Variants in SLC25A48 observed in about 807,000 individuals in gnomAD.
SLC25A48 encodes the protein CTC-321K16.1.
A neutral mutation model predicts 32.2 loss-of-function variants in SLC25A48; 29 were observed. The ratio of observed to expected loss-of-function variants is 0.90; its 90% CI spans 0.67 to 1.23. The LOEUF (loss-of-function observed/expected upper bound fraction) is 1.23, where lower values mean the gene tolerates loss of function less well. Among genes scored for constraint, SLC25A48 ranks in the 50% most tolerant of loss-of-function variants. The probability of loss-of-function intolerance (pLI) is 0.00; values close to 1 mark genes in which losing one functional copy is unlikely to be tolerated. For synonymous variants in SLC25A48, 164 were observed against 172.3 expected (o/e 0.95, Z 0.38); for missense variants, 399 against 422.7 (o/e 0.94, Z 0.49).
intron 3 of SLC25A48, among the ~76,000 whole-genome samples, chr5:135,693,533 T>C (rs1265467978): frequency 6.6e-6 from 1 of 152,202 alleles, no homozygotes; most frequent in Non-Finnish European, 1.5e-5. Context: ...TTGGGTAGGA[T>C]TGACATGTGT....
chr5:135,621,424 A>G (rs1752322488), intron 1 of SLC25A48, among the ~76,000 whole-genome samples: 1 of 152,260 alleles, frequency 6.6e-6, no homozygotes, highest in African/African-American at 2.4e-5. Flanking sequence ...TTATCTAGTA[A>G]TTAACAAATT....
intron 1 of SLC25A48, among the ~76,000 whole-genome samples, chr5:135,616,174 A>T (rs4388205): frequency 0.02 from 3,010 of 152,226 alleles, 95 homozygotes; most frequent in African/African-American, 0.068. Context: ...GAGGGGAAAT[A>T]TGGGGTTGGA....
intron 3 of SLC25A48, among the ~76,000 whole-genome samples, chr5:135,751,174 G>A (rs1337308276): frequency 6.6e-6 from 1 of 152,170 alleles, no homozygotes; most frequent in Non-Finnish European, 1.5e-5. Context: ...TGAATTTGGG[G>A]TGGCTATAGA....
intron 1 of SLC25A48, among the ~76,000 whole-genome samples, chr5:135,837,541 A>G (rs928658496): frequency 6.6e-6 from 1 of 152,116 alleles, no homozygotes. Flanking sequence ...CCCAAATCTC[A>G]TCTTGAATTG....
At chr5:135,858,587 A>G (rs10079688) in intron 4 of SLC25A48, among the ~76,000 whole-genome samples, 122,013 of 152,250 alleles carry the variant, frequency 0.8, 49,083 homozygotes, top group Middle Eastern at 0.88. Context: ...CTGAGGAACA[A>G]AGAGGTTTCA....
chr5:135,876,510 A>G (rs1458301303), intron 6 of SLC25A48: 1 of 152,054 alleles, frequency 6.6e-6, no homozygotes, highest in African/African-American at 2.4e-5. Flanking sequence ...TTCAAGGTTA[A>G]TTGTTTAAAA....
rs78786164 is a variant in SLC25A48, at chr5:135,746,906, G to A, written c.-520-65617G>A. On this transcript the variant is annotated intron_variant, in intron 3 of 10. Transcript: ENST00000646290. ...TGATAATTTTGACAGCTCCAGACCC[G>A]TTGTCTTATAGAATATCCCATAATC... Among the ~76,000 whole-genome samples, 778 of 151,784 alleles carry A rather than the reference G, an allele frequency of 5.1e-3. 7 individuals carry two copies. The highest frequency in any genetic ancestry group is 0.018 in the African/African-American group (736 of 41,416).
intron 4 of SLC25A48, among the ~76,000 whole-genome samples, chr5:135,856,536 G>T (rs1041344251): frequency 4.6e-5 from 7 of 152,192 alleles, no homozygotes; most frequent in Admixed American, 6.5e-5. Flanking sequence ...CTCCTTGCTG[G>T]GGTGCATGGA....
rs536479266 is a variant in SLC25A48 at position 135,581,597 on chromosome 5, G to A, written c.-849+2000G>A. Among the ~76,000 whole-genome samples the A allele has an allele frequency of 6.8e-4, 104 of 152,334 alleles. 1 individual carries two copies. The highest frequency in any genetic ancestry group is 1.3e-3 in the Non-Finnish European group (86 of 68,034). Reference sequence around the variant, plus strand: ...CTGGGATCTAACAACACCAGCGATCGTGGGCACTGAGTTTTCACAGGAAAA... The same window carrying A: ...CTGGGATCTAACAACACCAGCGATCATGGGCACTGAGTTTTCACAGGAAAA... On this transcript the variant is annotated intron_variant, in intron 1 of 10. Coordinates refer to the SLC25A48 transcript ENST00000646290.
rs151297802 is a variant in SLC25A48, at chr5:135,694,727, C to T, written c.-521+59771C>T. ...TCAGCCTCCTGAGTAGCTGGGACTA[C>T]GGGCACATGCCACCATGCCTGGCTA... On this transcript the variant is annotated intron_variant, in intron 3 of 10. Transcript: ENST00000646290. Among the ~76,000 whole-genome samples, 601 of 152,156 alleles carry T rather than the reference C, an allele frequency of 3.9e-3. 5 individuals are homozygous for T. The highest frequency in any genetic ancestry group is 0.014 in the African/African-American group (569 of 41,496).
chr5:135,618,754 A>G (rs1439378120), intron 1 of SLC25A48, among the ~76,000 whole-genome samples: 1 of 151,666 alleles, frequency 6.6e-6, no homozygotes, highest in African/African-American at 2.4e-5. Context: ...ATGAAGGAAA[A>G]TTTTTCTGGG....
At chr5:135,818,907 T>G (rs1340346148) in intron 4 of SLC25A48, among the ~76,000 whole-genome samples, 2 of 152,114 alleles carry the variant, frequency 1.3e-5, no homozygotes. Context: ...ATGAAAATGT[T>G]AGAACTGAAA....
In SLC25A48 at chr5:135,772,434, T is replaced by C. The variant is rs147335588; in HGVS notation, c.-520-40089T>C. On this transcript the variant is annotated intron_variant, in intron 3 of 10. Coordinates refer to the SLC25A48 transcript ENST00000646290. ...GGGAAGAGGATGATATTACTCCCTA[T>C]ATCGTTGTGGGTGTACAGCCTTCTG... Among the ~76,000 whole-genome samples, 124 of 151,842 alleles carry C rather than the reference T, an allele frequency of 8.2e-4. 1 individual carries two copies. The highest frequency in any genetic ancestry group is 1.5e-3 in the Non-Finnish European group (105 of 67,812).
chr5:135,615,873 G>A (rs1752174118), intron 1 of SLC25A48, among the ~76,000 whole-genome samples: 1 of 152,238 alleles, frequency 6.6e-6, no homozygotes, highest in Non-Finnish European at 1.5e-5. Context: ...GCCTGCCACA[G>A]GGCCCTGCTG....
intron 1 of SLC25A48, among the ~76,000 whole-genome samples, chr5:135,620,213 G>A (rs377733513): frequency 5.3e-5 from 8 of 152,186 alleles, no homozygotes; most frequent in African/African-American, 1.9e-4. Flanking sequence ...GTGGCAGTAG[G>A]TTGATTGGAC....
intron 3 of SLC25A48, among the ~76,000 whole-genome samples, chr5:135,775,982 T>A (rs746716519): frequency 1.3e-5 from 2 of 151,798 alleles, no homozygotes; most frequent in Non-Finnish European, 2.9e-5. Flanking sequence ...TTACTCCCAA[T>A]ATCACAGGGG....
At chr5:135,580,025 C>T (rs1301839256) in intron 1 of SLC25A48, among the ~76,000 whole-genome samples, 1 of 152,160 alleles carries the variant, frequency 6.6e-6, no homozygotes, top group African/African-American at 2.4e-5. Flanking sequence ...TGTCAGTACC[C>T]AGGAAATGTT....
intron 7 of SLC25A48, among the ~76,000 whole-genome samples, chr5:135,886,617 ATATATATATATATATAT>A (rs1561567635): frequency 0.088 from 2,480 of 28,318 alleles, 227 homozygotes; most frequent in Non-Finnish European, 0.11. Context: ...ATATATATAT[ATATATATATATATATAT>A]ATAAAATATA....
chr5:135,868,362 G>C (rs1761362537), intron 4 of SLC25A48, among the ~76,000 whole-genome samples: 1 of 152,146 alleles, frequency 6.6e-6, no homozygotes, highest in Non-Finnish European at 1.5e-5. Flanking sequence ...AAGAAACAAA[G>C]AAAGGCTATG....
Sources: gnomAD v4.1 joint callset for allele counts (sites outside exome capture counted in the v4.1 genomes callset) on GRCh38, gnomAD v4.1.1 for gene constraint, MANE v1.5 for transcripts, NCBI Gene and HGNC (gene_info 2026-07-23, HGNC 2026-07-21) for gene names.